Variants in PSG7 observed in about 807,000 individuals in gnomAD.
The protein encoded by PSG7 is pregnancy-specific beta-1-glycoprotein 7.
A neutral mutation model predicts 45.6 loss-of-function variants in PSG7; 57 were observed. The ratio of observed to expected loss-of-function variants is 1.25; its 90% CI spans 1.01 to 1.56. The LOEUF is 1.56. Among genes scored for constraint, PSG7 ranks in the 40% most tolerant of loss-of-function variants. PSG7 has a pLI of 0.00. For missense variants in PSG7, 796 were observed against 508.4 expected, an observed-to-expected ratio of 1.57 and a Z score of -5.44; for synonymous variants, 298 against 194.4, an observed-to-expected ratio of 1.53 and a Z score of -4.43.
At chr19:42,932,770 A>C (rs1973047652) in intron 2 of PSG7, among the ~76,000 whole-genome samples, 1 of 151,538 alleles carries the variant, frequency 6.6e-6, no homozygotes, top group Non-Finnish European at 1.5e-5. Context: ...CTGCCTTGGT[A>C]AAACTAGTGA....
At chr19:42,929,130 G>T in intron 3 of PSG7, 1 of 498,790 alleles carries the variant, frequency 2.0e-6, no homozygotes, top group East Asian at 3.7e-5. Flanking sequence ...GACCCTGTGA[G>T]TCAAGTCGCA....
chr19:42,935,871 A>AAC, intron 1 of PSG7, 102 bp from the exon 2 acceptor site: 1 of 999,722 alleles, frequency 1.0e-6, no homozygotes, highest in South Asian at 1.7e-5. Flanking sequence ...CTCAGCCTTG[A>AAC]AGACACACAC....
intron 2 of PSG7, among the ~76,000 whole-genome samples, chr19:42,932,436 C>A (rs1973041019): frequency 6.6e-6 from 1 of 151,488 alleles, no homozygotes; most frequent in Non-Finnish European, 1.5e-5. Flanking sequence ...CCAGAAGTCT[C>A]TAGGAAGTGA....
In PSG7 at chr19:42,925,636, G is replaced by C. The variant is rs113553110; in HGVS notation, c.1243+137C>G. 16 of 1,550,296 alleles carry C rather than the reference G, an allele frequency of 1.0e-5. No individual in the cohort carries two copies. In the African/African-American group the frequency reaches 1.1e-4, roughly 11 times the overall value. On this transcript the variant is annotated intron_variant, in intron 5 of 5. Transcript: ENST00000406070. The stretch of plus-strand genomic sequence containing the variant: ...CGAAGTTCTTAGACAAATTTGGAGG[G>C]TTCAGGAGGAAAATTTGGGATTTGC...
At chr19:42,933,875 G>A (rs561842687) in intron 2 of PSG7, among the ~76,000 whole-genome samples, 1 of 151,308 alleles carries the variant, frequency 6.6e-6, no homozygotes, top group Non-Finnish European at 1.5e-5. Flanking sequence ...GAGGTGGGGT[G>A]GCTTTAGGGG....
Position 42,937,132 on chromosome 19 carries a change from TTC to T in PSG7, c.-58_-57del, listed in dbSNP as rs1973170096. 2 of 1,589,580 alleles carry T rather than the reference TTC, an allele frequency of 1.3e-6. 1 individual carries two copies. Among genetic ancestry groups the T allele is most frequent in the Non-Finnish European group, 1.7e-6 (2 of 1,162,868 alleles). ...GGAGATGAGCCTAGGATCCAGAATC[TTC>T]CTGAGCACGGCTGTCAGCTGTGCTG... On this transcript the variant is annotated 5_prime_UTR_variant, in exon 1 of 6. Coordinates refer to ENST00000406070, the MANE Select transcript of PSG7 (RefSeq NM_002783.3).
At position 42,926,482 on chromosome 19, in the gene PSG7, C is replaced by T. The variant is rs1201678064; in HGVS notation, c.944G>A (p.Arg315Gln). Residue 315 changes from arginine (R) to glutamine (Q), a missense_variant, in exon 4 of 6, where the codon CGA becomes CAA. Transcript: ENST00000406070. ...TGGGTCACTGCGGATGCCACCATAT[C>T]GGTCCCGTATTTCACATTGATAGGG... is the stretch of plus-strand genomic sequence containing the variant. ...TGPYQCEIRDRYGGIRSDPVT... is the reference protein window; with the variant it reads ...TGPYQCEIRDQYGGIRSDPVT... 65 of 1,611,334 alleles carry T rather than the reference C, an allele frequency of 4.0e-5. 4 individuals are homozygous for T. The highest frequency in any genetic ancestry group is 5.5e-5 in the South Asian group (5 of 90,572).
intron 3 of PSG7, 176 bp downstream of exon 3, chr19:42,929,266 T>C (rs1424605278): frequency 5.7e-6 from 8 of 1,410,898 alleles, no homozygotes; most frequent in Middle Eastern, 4.8e-4. Flanking sequence ...TTTTCTCTTA[T>C]TGTGGATCAA....
chr19:42,929,365 G>A (rs1485410532), intron 3 of PSG7, 77 bp downstream of exon 3: 1 of 1,609,320 alleles, frequency 6.2e-7, no homozygotes, highest in Non-Finnish European at 8.5e-7. Flanking sequence ...GGACCTGAGA[G>A]GGACTGAGAA....
chr19:42,935,549 G>C lies in PSG7; in HGVS notation c.285C>G (p.Tyr95Ter), dbSNP rs782445529. ...TGGAATATACTGTTTCTCGTCCACT[G>C]TATGCAGGCCCATATTTAATTATTT... ...DGQIIKYGPAYSGRETVYSNA... is the reference protein window; with the variant it reads ...DGQIIKYGPA The change falls in exon 2 of 6, where the codon TAC becomes TAG. Residue 95 changes from tyrosine to a stop codon, truncating the protein, a stop_gained. Transcript: ENST00000406070. LOFTEE classifies it high-confidence loss of function. 5 of 1,612,096 alleles carry C rather than the reference G, an allele frequency of 3.1e-6. No homozygotes were observed. Among genetic ancestry groups the C allele is most frequent in the Non-Finnish European group, 1.7e-6 (2 of 1,179,050 alleles).
At chr19:42,933,658 C>A (rs1187825561) in intron 2 of PSG7, among the ~76,000 whole-genome samples, 1 of 150,666 alleles carries the variant, frequency 6.6e-6, no homozygotes, top group South Asian at 2.1e-4. Context: ...GAGGAAGAAG[C>A]TGTGCAGGAC....
At position 42,928,797 on chromosome 19, in the gene PSG7, T is replaced by A. The variant is rs185300372; in HGVS notation, c.709+645A>T. 1.5e-4 allele frequency among the ~76,000 whole-genome samples: 22 copies of A among 151,646 alleles called. 1 individual carries two copies. The highest frequency in any genetic ancestry group is 1.3e-3 in the Admixed American group (19 of 15,174). On this transcript the variant is annotated intron_variant, in intron 3 of 5. Coordinates refer to ENST00000406070, the MANE Select transcript of PSG7 (RefSeq NM_002783.3). The stretch of plus-strand genomic sequence containing the variant: ...CCAGGGATCCACTTACCAGGGACTA[T>A]GATCCTCTTGATTATGAGATTTGTT...
intron 2 of PSG7, among the ~76,000 whole-genome samples, chr19:42,934,612 C>CA (rs1272354188): frequency 6.6e-6 from 1 of 151,716 alleles, no homozygotes; most frequent in African/African-American, 2.4e-5. Context: ...GAAATGTTCA[C>CA]CAAACAGCAT....
rs1293436095 is a variant in PSG7 at position 42,929,335 on chromosome 19, G to A, written c.709+107C>T. 4 of 1,597,474 alleles carry A rather than the reference G, an allele frequency of 2.5e-6. 1 individual carries two copies. The highest frequency in any genetic ancestry group is 3.4e-6 in the Non-Finnish European group (4 of 1,171,644). ...AGTCACCACCAGCTTTGATGTCCAGGGGTAAAGGTCTACATACTTGGACCT... is the reference window on the plus strand; with the variant it reads ...AGTCACCACCAGCTTTGATGTCCAGAGGTAAAGGTCTACATACTTGGACCT... On this transcript the variant is annotated intron_variant, in intron 3 of 5. Coordinates refer to ENST00000406070, the MANE Select transcript of PSG7 (RefSeq NM_002783.3).
intron 2 of PSG7, among the ~76,000 whole-genome samples, chr19:42,933,307 A>ATATATATATATATATT (rs56691588): frequency 5.9e-4 from 8 of 13,496 alleles, no homozygotes; most frequent in Non-Finnish European, 1.1e-3. Flanking sequence ...ATATATATAT[A>ATATATATATATATATT]TTTTTTTTTT....
At position 42,926,482 on chromosome 19, in the gene PSG7, C is replaced by G; in HGVS notation, c.944G>C (p.Arg315Pro). The G allele has an allele frequency of 6.2e-7, 1 of 1,611,452 alleles. No individual in the cohort carries two copies. Among genetic ancestry groups the G allele is most frequent in the African/African-American group, 1.3e-5 (1 of 74,672 alleles). Reference protein sequence around the residue: ...TGPYQCEIRDRYGGIRSDPVT... With the variant: ...TGPYQCEIRDPYGGIRSDPVT... ...TGGGTCACTGCGGATGCCACCATAT[C>G]GGTCCCGTATTTCACATTGATAGGG... The change falls in exon 4 of 6, where the codon CGA becomes CCA. Residue 315 changes from arginine to proline, a missense_variant. Transcript: ENST00000406070.
chr19:42,935,867 CTTGAAG>C, intron 1 of PSG7, 98 bp from the exon 2 acceptor site: 1 of 1,262,280 alleles, frequency 7.9e-7, no homozygotes, highest in Non-Finnish European at 1.1e-6. Context: ...AATCCTCAGC[CTTGAAG>C]ACACACACAC....
chr19:42,933,838 C>T (rs559123238), intron 2 of PSG7, among the ~76,000 whole-genome samples: 3 of 151,114 alleles, frequency 2.0e-5, no homozygotes, highest in Non-Finnish European at 3.0e-5. Flanking sequence ...GAGAACCCTC[C>T]GTGGCCAAAG....
rs1973135539 is a variant in PSG7 at position 42,935,693 on chromosome 19, C to A, written c.141G>T (p.Glu47Asp). 3 of 1,611,872 alleles carry A rather than the reference C, an allele frequency of 1.9e-6. No homozygotes were observed. The highest frequency in any genetic ancestry group is 2.5e-6 in the Non-Finnish European group (3 of 1,179,088). Residue 47 changes from glutamate to aspartate, a missense_variant, in exon 2 of 6, where the codon GAG becomes GAT. Glu to Asp is a conservative substitution (Grantham distance 45). Coordinates refer to ENST00000406070, the MANE Select transcript of PSG7 (RefSeq NM_002783.3). Reference sequence around the variant, plus strand: ...GGACAAGTAGAAGAACATCCTTCCCCTCGGAAACTTTTGGTGGCTGGGCTT... The same window carrying A: ...GGACAAGTAGAAGAACATCCTTCCCATCGGAAACTTTTGGTGGCTGGGCTT... The part of the protein sequence containing the change: ...TIEAQPPKVS[E>D]GKDVLLLVHN...
Sources: allele counts gnomAD v4.1 joint callset (sites outside exome capture counted in the v4.1 genomes callset), GRCh38; gene constraint gnomAD v4.1.1; transcripts MANE v1.5; gene names NCBI Gene and HGNC (gene_info 2026-07-23, HGNC 2026-07-21).